Variants in PTPN3 observed in about 807,000 individuals in gnomAD.
PTPN3 encodes tyrosine-protein phosphatase non-receptor type 3.
PTPN3 carries 96 observed loss-of-function variants against 132.7 expected under a neutral mutation model. That is an observed-to-expected ratio of 0.72 (90% CI 0.61 to 0.86). The LOEUF (loss-of-function observed/expected upper bound fraction) is 0.86, where lower values mean the gene tolerates loss of function less well. Ranked by LOEUF, PTPN3 falls within the 40% of genes least tolerant of loss-of-function variation. PTPN3 has a pLI of 0.00. For synonymous variants in PTPN3, 398 were observed against 429.0 expected (o/e 0.93, Z 0.89); for missense variants, 1,125 against 1,159.6 (o/e 0.97, Z 0.43).
chr9:109,422,093 A>C (rs980108168), intron 13 of PTPN3, among the ~76,000 whole-genome samples: 2 of 152,090 alleles, frequency 1.3e-5, no homozygotes, highest in East Asian at 3.8e-4. Context: ...ATCTTTTTAG[A>C]TATGGGGAAA....
intron 7 of PTPN3, among the ~76,000 whole-genome samples, chr9:109,442,499 T>C (rs1453570634): frequency 1.3e-5 from 2 of 152,256 alleles, no homozygotes; most frequent in Non-Finnish European, 2.9e-5. Flanking sequence ...AGCCAGTTTG[T>C]ACTTTTTAGG....
At chr9:109,449,827 T>C (rs979291048) in intron 5 of PTPN3, 2 of 985,326 alleles carry the variant, frequency 2.0e-6, no homozygotes, top group African/African-American at 1.7e-5. Flanking sequence ...AGTTTCATTA[T>C]TCCTTCAAAT....
chr9:109,431,946 A>G (rs1843690709), intron 10 of PTPN3, among the ~76,000 whole-genome samples: 1 of 151,812 alleles, frequency 6.6e-6, no homozygotes, highest in Admixed American at 6.6e-5. Flanking sequence ...ATACACAGTA[A>G]TAGGACTTGG....
chr9:109,527,757 A>G, the PTPN3 span, among the ~76,000 whole-genome samples: 3 of 152,342 alleles, frequency 2.0e-5, no homozygotes, highest in South Asian at 6.2e-4. Context: ...TTGCATATCA[A>G]TAAAAATAGA....
rs906039225 is a variant in PTPN3 at position 109,427,021 on chromosome 9, T to C, written c.930A>G (p.Ala310=). ...SCVEHHTFFQ[A]KKLLPQEKNV... The stretch of plus-strand genomic sequence containing the variant: ...TCTTTTCCTGAGGTAGTAGCTTCTT[T>C]GCCTGAAAGAACGTATGGTGCTCAA... The change falls in exon 12 of 26, where the codon GCA becomes GCG. Residue 310 remains alanine (A), a synonymous_variant. Coordinates refer to ENST00000374541, the MANE Select transcript of PTPN3 (RefSeq NM_002829.4). 1.9e-6 allele frequency: 3 copies of C among 1,613,850 alleles called. No individual in the cohort carries two copies. In the African/African-American group the frequency reaches 4.0e-5, roughly 22 times the overall value.
At chr9:109,414,464 T>C (rs796795671) in intron 14 of PTPN3, among the ~76,000 whole-genome samples, 12 of 152,312 alleles carry the variant, frequency 7.9e-5, no homozygotes, top group African/African-American at 2.9e-4. Context: ...TGAATAAAAT[T>C]CCTGGAGAAA....
At chr9:109,447,900 C>T (rs1389875861) in intron 6 of PTPN3, among the ~76,000 whole-genome samples, 2 of 152,192 alleles carry the variant, frequency 1.3e-5, no homozygotes, top group Non-Finnish European at 1.5e-5. Flanking sequence ...CCTCTCTATT[C>T]TCCTGTAAGC....
the PTPN3 span, among the ~76,000 whole-genome samples, chr9:109,534,857 TG>T: frequency 6.6e-6 from 1 of 152,096 alleles, no homozygotes. Context: ...GCAGTAGTTT[TG>T]GACATGCTAA....
intron 1 of PTPN3, among the ~76,000 whole-genome samples, chr9:109,473,625 C>T (rs1846489414): frequency 6.6e-6 from 1 of 152,260 alleles, no homozygotes; most frequent in East Asian, 1.9e-4. Context: ...GCTGGGTTTT[C>T]AGTGTTGTGA....
upstream of PTPN3, among the ~76,000 whole-genome samples, chr9:109,499,701 G>A (rs1847830007): frequency 6.6e-6 from 1 of 152,214 alleles, no homozygotes; most frequent in Non-Finnish European, 1.5e-5. Context: ...GGGATAGACT[G>A]AGGCCTCGGC....
chr9:109,481,725 G>A (rs1227955994), intron 1 of PTPN3, among the ~76,000 whole-genome samples: 2 of 152,204 alleles, frequency 1.3e-5, no homozygotes, highest in Admixed American at 6.5e-5. Context: ...GTGCACATGA[G>A]GCACTAAGTA....
At chr9:109,470,856 G>A (rs572831574) in intron 1 of PTPN3, among the ~76,000 whole-genome samples, 4 of 152,192 alleles carry the variant, frequency 2.6e-5, no homozygotes, top group South Asian at 2.1e-4. Context: ...TAAAACTAGC[G>A]TACACAAGAA....
At chr9:109,496,240 A>C (rs1489469502) in intron 1 of PTPN3, among the ~76,000 whole-genome samples, 1 of 152,248 alleles carries the variant, frequency 6.6e-6, no homozygotes, top group Non-Finnish European at 1.5e-5. Flanking sequence ...AGCTCGCTAT[A>C]AACTAGAATA....
Position 109,470,597 on chromosome 9 carries a change from G to C in PTPN3, c.-17-7146C>G, listed in dbSNP as rs1293970264. 2.0e-5 allele frequency among the ~76,000 whole-genome samples: 3 copies of C among 151,896 alleles called. No homozygotes were observed. In the East Asian group the frequency reaches 5.8e-4, roughly 29 times the overall value. ...TGTAGTCCTAGGTATTTGGGAGGCT[G>C]AGGTGGGAGAATCGCTTGAGCCCAG... On this transcript the variant is annotated intron_variant, in intron 1 of 25. Coordinates refer to ENST00000374541, the MANE Select transcript of PTPN3 (RefSeq NM_002829.4).
At chr9:109,384,750 G>A (rs564122468) in intron 22 of PTPN3, among the ~76,000 whole-genome samples, 3 of 152,336 alleles carry the variant, frequency 2.0e-5, no homozygotes, top group South Asian at 2.1e-4. Context: ...TGGAAAAGTG[G>A]TATAACCATA....
intron 7 of PTPN3, among the ~76,000 whole-genome samples, chr9:109,443,250 T>C (rs1184039214): frequency 3.9e-5 from 6 of 151,976 alleles, no homozygotes; most frequent in African/African-American, 1.5e-4. Flanking sequence ...CTAATTTTTC[T>C]ATTTTTTGTA....
At position 109,459,059 on chromosome 9, in the gene PTPN3, T is replaced by C. The variant is rs755147473; in HGVS notation, c.139-1660A>G. 6.2e-4 allele frequency among the ~76,000 whole-genome samples: 94 copies of C among 152,314 alleles called. 1 individual carries two copies. The highest frequency in any genetic ancestry group is 1.9e-3 in the East Asian group (10 of 5,180). On this transcript the variant is annotated intron_variant, in intron 2 of 25. Transcript: ENST00000374541. The stretch of plus-strand genomic sequence containing the variant: ...AGTCTGACTGCCTGACTCAGGTCTG[T>C]TTGTTCCTACTACATCTCCTCCTCT...
intron 2 of PTPN3, among the ~76,000 whole-genome samples, chr9:109,462,247 C>T (rs1199075041): frequency 6.6e-6 from 1 of 152,214 alleles, no homozygotes; most frequent in Non-Finnish European, 1.5e-5. Context: ...GGCACTGGGC[C>T]ACCGCCCCAT....
intron 16 of PTPN3, among the ~76,000 whole-genome samples, chr9:109,408,841 C>T (rs1486915564): frequency 9.4e-5 from 9 of 95,416 alleles, no homozygotes; most frequent in African/African-American, 3.5e-4. Flanking sequence ...TATATATGGG[C>T]TTTAATATAT....
Sources: allele counts gnomAD v4.1 joint callset (sites outside exome capture counted in the v4.1 genomes callset), GRCh38; gene constraint gnomAD v4.1.1; transcripts MANE v1.5; gene names NCBI Gene and HGNC (gene_info 2026-07-23, HGNC 2026-07-21).